Variants in DLG2 observed in about 807,000 individuals in gnomAD.
DLG2 encodes disks large homolog 2.
Under a neutral mutation model 132.5 loss-of-function variants are expected in DLG2, and 45 were observed. That is an observed-to-expected ratio of 0.34 (90% CI 0.27 to 0.44). The LOEUF is 0.44. DLG2 is among the 20% of genes least tolerant of loss of function. The pLI is 1.00. For missense variants in DLG2, 1,045 were observed against 1,196.9 expected, an observed-to-expected ratio of 0.87 and a Z score of 1.87; for synonymous variants, 424 against 419.6, an observed-to-expected ratio of 1.01 and a Z score of -0.13.
chr11:84,138,896 C>T (rs1021386803), intron 9 of DLG2, among the ~76,000 whole-genome samples: 8 of 148,150 alleles, frequency 5.4e-5, no homozygotes, highest in African/African-American at 2.0e-4. Context: ...TTGCAATGAG[C>T]CGAGATCATG....
intron 6 of DLG2, among the ~76,000 whole-genome samples, chr11:85,016,746 A>T (rs2059609336): frequency 6.6e-6 from 1 of 152,110 alleles, no homozygotes; most frequent in African/African-American, 2.4e-5. Context: ...CCAAGTCCTT[A>T]GTTGCCTTTA....
chr11:84,454,519 T>C (rs1383885849), intron 7 of DLG2, among the ~76,000 whole-genome samples: 1 of 151,458 alleles, frequency 6.6e-6, no homozygotes, highest in Admixed American at 6.6e-5. Context: ...TAAAAGCATA[T>C]GTTCATTCAA....
intron 7 of DLG2, among the ~76,000 whole-genome samples, chr11:84,472,032 C>T (rs770518511): frequency 3.9e-5 from 6 of 151,946 alleles, no homozygotes; most frequent in Non-Finnish European, 5.9e-5. Flanking sequence ...ACCCAAATTC[C>T]GGTCCCCAAA....
At chr11:85,570,558 T>A (rs1405419688) in intron 3 of DLG2, among the ~76,000 whole-genome samples, 1 of 152,160 alleles carries the variant, frequency 6.6e-6, no homozygotes, top group Non-Finnish European at 1.5e-5. Context: ...GTTGTGTGGA[T>A]CTCTTTGAGT....
chr11:85,184,658 C>G (rs2079969014), intron 4 of DLG2, among the ~76,000 whole-genome samples: 1 of 151,734 alleles, frequency 6.6e-6, no homozygotes, highest in East Asian at 1.9e-4. Context: ...TTCCATGTCA[C>G]AGAGGTAATA....
intron 6 of DLG2, among the ~76,000 whole-genome samples, chr11:84,790,842 T>C (rs1169681130): frequency 2.0e-5 from 3 of 152,254 alleles, no homozygotes; most frequent in Non-Finnish European, 4.4e-5. Context: ...TTGAAAAGAC[T>C]GTCCTTCCCC....
rs183844089 is a variant in DLG2, at chr11:83,607,029, C to G, written c.1940+26182G>C. Among the ~76,000 whole-genome samples the G allele has an allele frequency of 1.4e-3, 214 of 152,350 alleles. 1 individual carries two copies. Among genetic ancestry groups the G allele is most frequent in the South Asian group, 9.1e-3 (44 of 4,832 alleles). On this transcript the variant is annotated intron_variant, in intron 19 of 27. Coordinates refer to ENST00000376104, the MANE Select transcript of DLG2 (RefSeq NM_001142699.3). ...GCAAATCGGGCAGCCTCCTGAGACA[C>G]AGCGGGCTCAGAGACTCTAGCGCAG... is the stretch of plus-strand genomic sequence containing the variant.
intron 7 of DLG2, among the ~76,000 whole-genome samples, chr11:84,473,526 C>G (rs532885327): frequency 2.6e-5 from 4 of 151,970 alleles, no homozygotes; most frequent in African/African-American, 9.6e-5. Context: ...ATGGGTATTG[C>G]ATGGAAGAAT....
chr11:84,642,533 TG>T (rs1337971814), intron 6 of DLG2, among the ~76,000 whole-genome samples: 3 of 152,148 alleles, frequency 2.0e-5, no homozygotes, highest in Non-Finnish European at 4.4e-5. Context: ...TATGAAGTTC[TG>T]GGTATATAAT....
chr11:84,960,968 C>T (rs997713369), intron 6 of DLG2, among the ~76,000 whole-genome samples: 2 of 152,056 alleles, frequency 1.3e-5, no homozygotes, highest in Non-Finnish European at 2.9e-5. Context: ...CTTCTCAGGT[C>T]AGATATAACT....
At chr11:83,480,214 T>C (rs1253562558) in intron 22 of DLG2, among the ~76,000 whole-genome samples, 5 of 152,110 alleles carry the variant, frequency 3.3e-5, no homozygotes, top group African/African-American at 1.2e-4. Context: ...GTGTCTTTTT[T>C]ATCTTTCCAC....
At chr11:84,344,647 T>G (rs2098531184) in intron 7 of DLG2, among the ~76,000 whole-genome samples, 1 of 152,218 alleles carries the variant, frequency 6.6e-6, no homozygotes, top group Non-Finnish European at 1.5e-5. Context: ...AAGACTTCCT[T>G]CATCTAACTT....
At chr11:85,199,909 G>A (rs959532241) in intron 4 of DLG2, among the ~76,000 whole-genome samples, 6 of 150,612 alleles carry the variant, frequency 4.0e-5, no homozygotes, top group South Asian at 2.1e-4. Flanking sequence ...CACCAAGAAC[G>A]CAGAATATTT....
At chr11:84,440,100 C>G (rs1274945652) in intron 7 of DLG2, among the ~76,000 whole-genome samples, 3 of 152,104 alleles carry the variant, frequency 2.0e-5, no homozygotes, top group African/African-American at 4.8e-5. Context: ...TATGTTGAAC[C>G]TTTAGTGACC....
At chr11:84,022,749 A>G (rs1945817) in intron 11 of DLG2, among the ~76,000 whole-genome samples, 129,907 of 152,036 alleles carry the variant, frequency 0.85, 55,868 homozygotes, top group Non-Finnish European at 0.92. Context: ...TGGGGGGAGT[A>G]GGGTGGTGGG....
At chr11:85,137,123 C>T (rs1417510787) in intron 5 of DLG2, among the ~76,000 whole-genome samples, 2 of 151,924 alleles carry the variant, frequency 1.3e-5, no homozygotes, top group East Asian at 3.9e-4. Flanking sequence ...TGGTTTAGAA[C>T]AGTCTTATCT....
intron 21 of DLG2, 105 bp downstream of exon 21, chr11:83,532,603 C>T (rs1291758127): frequency 1.1e-6 from 1 of 894,502 alleles, no homozygotes; most frequent in Non-Finnish European, 1.9e-6. Context: ...GCTCTACTGT[C>T]TGGTACCTTC....
At chr11:85,187,196 G>A (rs551254342) in intron 4 of DLG2, among the ~76,000 whole-genome samples, 3 of 151,990 alleles carry the variant, frequency 2.0e-5, no homozygotes, top group South Asian at 4.2e-4. Context: ...GAATAAAACC[G>A]GCAATTGCTA....
In DLG2 at chr11:85,475,488, T is replaced by C. The variant is rs1341099283; in HGVS notation, c.40+123169A>G. On this transcript the variant is annotated intron_variant, in intron 3 of 27. Transcript: ENST00000376104. ...AATAATATTTTCTAGCAATGTAATT[T>C]TTAATTATACCACATAAAACTATGA... 4.6e-5 allele frequency among the ~76,000 whole-genome samples: 7 copies of C among 152,194 alleles called. No individual in the cohort carries two copies. In the East Asian group the frequency reaches 1.3e-3, roughly 29 times the overall value.
Sources: gnomAD v4.1 joint callset for allele counts (sites outside exome capture counted in the v4.1 genomes callset) on GRCh38, gnomAD v4.1.1 for gene constraint, MANE v1.5 for transcripts, NCBI Gene and HGNC (gene_info 2026-07-23, HGNC 2026-07-21) for gene names.